Variants in MROH2A observed in about 807,000 individuals in gnomAD.
MROH2A encodes maestro heat like repeat family member 2A.
In MROH2A, 174 loss-of-function variants were observed where a neutral mutation model predicts 200.4. The observed-to-expected ratio is 0.87, with a 90% CI of 0.77 to 0.98. MROH2A has a LOEUF of 0.98. Among genes scored for constraint, MROH2A ranks in the 50% least tolerant of loss-of-function variants. The probability of loss-of-function intolerance (pLI) is 0.00; values close to 1 mark genes in which losing one functional copy is unlikely to be tolerated. For missense variants in MROH2A, 2,045 were observed against 2,139.6 expected, an observed-to-expected ratio of 0.96 and a Z score of 0.87; for synonymous variants, 829 against 840.4, an observed-to-expected ratio of 0.99 and a Z score of 0.23.
chr2:233,816,701 G>T (rs1419008612), intron 26 of MROH2A, 80 bp from the exon 27 acceptor site: 1 of 857,238 alleles, frequency 1.2e-6, no homozygotes, highest in African/African-American at 1.7e-5. Context: ...GTAGGAGGGT[G>T]AGGTGGGCAA....
intron 5 of MROH2A, among the ~76,000 whole-genome samples, chr2:233,791,751 A>G (rs966139286): frequency 3.9e-5 from 6 of 152,112 alleles, no homozygotes; most frequent in African/African-American, 1.4e-4. Context: ...GGCCCCCGTG[A>G]TGCCCATCCT....
chr2:233,799,538 T>C (rs1002574664), intron 12 of MROH2A, among the ~76,000 whole-genome samples: 1 of 151,758 alleles, frequency 6.6e-6, no homozygotes, highest in Non-Finnish European at 1.5e-5. Context: ...GCAGCCGAGG[T>C]TGGAAGGGAG....
In MROH2A at chr2:233,792,315, CT is replaced by C. The variant is rs550589309; in HGVS notation, c.572-466del. On this transcript the variant is annotated intron_variant, in intron 5 of 41. Coordinates refer to ENST00000389758, the MANE Select transcript of MROH2A (RefSeq NM_001394639.1). Reference sequence around the variant, plus strand: ...TCCTGTGTCACCTGCTTCTAGCTCACTTTTTTTTTTTTTTTGAGATGGAGTC... The same window carrying C: ...TCCTGTGTCACCTGCTTCTAGCTCACTTTTTTTTTTTTTTGAGATGGAGTC... 3.9e-3 allele frequency among the ~76,000 whole-genome samples: 556 copies of C among 141,110 alleles called. 2 individuals carry two copies. Among genetic ancestry groups the C allele is most frequent in the African/African-American group, 0.01 (383 of 37,800 alleles). The allele number at this position is 141,110 out of a possible 152,430, so 92.6% of individuals were successfully genotyped here. A position where few individuals can be genotyped will look rare whatever the true frequency, so the allele number is the denominator to read the frequency against.
In MROH2A at chr2:233,833,175, C is replaced by T; in HGVS notation, c.4941C>T (p.Val1647=). 3.2e-6 allele frequency: 5 copies of T among 1,550,026 alleles called. No individual in the cohort carries two copies. Among genetic ancestry groups the T allele is most frequent in the Non-Finnish European group, 3.5e-6 (4 of 1,146,838 alleles). ...QELQLDPDPG[V]RRAALETLTV... is the part of the protein sequence containing the mutation. ...TACAGCTGGACCCGGATCCCGGGGT[C>T]AGGAGGGCAGCCCTGGAGACGCTCA... is the stretch of plus-strand genomic sequence containing the variant. The change falls in exon 42 of 42, where the codon GTC becomes GTT. Residue 1647 remains valine (V), a synonymous_variant. Transcript: ENST00000389758.
In MROH2A at chr2:233,829,708, G is replaced by A. The variant is rs1704583696; in HGVS notation, c.4535G>A (p.Gly1512Glu). ...ATGTCCAAGAAGCATTTCTTCAAAG[G>A]GGAGGTGAAGAAGGCCTGGATCCCC... ...VGMSKKHFFKGEVKKAWIPLM... is the reference protein window; with the variant it reads ...VGMSKKHFFKEEVKKAWIPLM... Residue 1512 changes from glycine to glutamate, a missense_variant, in exon 38 of 42, where the codon GGG (glycine) becomes GAG (glutamate). Physicochemically the swap from Gly to Glu is moderately conservative, Grantham distance 98 (BLOSUM62 -2). Around this residue, in one of 3 missense-constraint regions of MROH2A, gnomAD observed 1,201 missense variants for 1,311.3 expected, o/e 0.92. Transcript: ENST00000389758. The A allele has an allele frequency of 3.3e-6, 5 of 1,494,616 alleles. No homozygotes were observed. The highest frequency in any genetic ancestry group is 1.7e-4 in the Middle Eastern group (1 of 5,828). The allele number at this position is 1,494,616 out of a possible 1,614,324, so 92.6% of individuals were successfully genotyped here.
rs1702346393 is a variant in MROH2A, at chr2:233,799,879, A to C, written c.1429A>C (p.Thr477Pro). 9 of 1,550,352 alleles carry C rather than the reference A, an allele frequency of 5.8e-6. No individual in the cohort carries two copies. The highest frequency in any genetic ancestry group is 7.0e-6 in the Non-Finnish European group (8 of 1,146,980). ...CCTGAAGTACCTGTCTGTGCAGCTG[A>C]CCTTATCCACCTACAAACTGGTGAG... ...WGLKYLSVQL[T>P]LSTYKLTNRR... Residue 477 changes from threonine to proline, a missense_variant, in exon 13 of 42, where the codon ACC becomes CCC. Transcript: ENST00000389758.
intron 11 of MROH2A, among the ~76,000 whole-genome samples, chr2:233,797,866 A>G (rs1702217562): frequency 6.6e-6 from 1 of 152,194 alleles, no homozygotes; most frequent in Admixed American, 6.5e-5. Flanking sequence ...TAATTTGCTG[A>G]AGATGATGGT....
rs562177592 is a variant in MROH2A at position 233,793,495 on chromosome 2, C to T, written c.671-178C>T. 1.1e-4 allele frequency among the ~76,000 whole-genome samples: 17 copies of T among 152,282 alleles called. No homozygotes were observed. In the South Asian group the frequency reaches 3.5e-3, roughly 32 times the overall value. On this transcript the variant is annotated intron_variant, in intron 6 of 41. Coordinates refer to ENST00000389758, the MANE Select transcript of MROH2A (RefSeq NM_001394639.1). ...CAGACACCCCCGAGTGCTCAGTTCTCACACACACAGGCACGCAGAGTAAAA... is the reference window on the plus strand; with the variant it reads ...CAGACACCCCCGAGTGCTCAGTTCTTACACACACAGGCACGCAGAGTAAAA...
chr2:233,784,631 A>G (rs553929264), intron 3 of MROH2A, among the ~76,000 whole-genome samples: 1 of 152,212 alleles, frequency 6.6e-6, no homozygotes, highest in South Asian at 2.1e-4. Flanking sequence ...CTGGCTGTTT[A>G]AAGGAGCCTG....
intron 1 of MROH2A, 21 bp downstream of exon 1, chr2:233,778,502 G>A (rs1700779192): frequency 5.9e-6 from 1 of 169,262 alleles, no homozygotes; most frequent in African/African-American, 2.4e-5. Flanking sequence ...AGGTCCCAGA[G>A]TAGCTCTTTA....
At chr2:233,794,536 C>A (rs2126112322) in intron 8 of MROH2A, 30 bp downstream of exon 8, 1 of 1,267,604 alleles carries the variant, frequency 7.9e-7, no homozygotes, top group Non-Finnish European at 1.1e-6. Context: ...CGGCTCTGGG[C>A]AGGAGGCTTA....
At chr2:233,783,742 G>A (rs937464724) in intron 3 of MROH2A, among the ~76,000 whole-genome samples, 2 of 152,028 alleles carry the variant, frequency 1.3e-5, no homozygotes, top group African/African-American at 4.8e-5. Context: ...GACGGGCCAT[G>A]TTGGCCAGGC....
intron 7 of MROH2A, 139 bp from the exon 8 acceptor site, chr2:233,794,224 G>C: frequency 1.5e-6 from 1 of 661,258 alleles, no homozygotes; most frequent in South Asian, 1.9e-5. Flanking sequence ...AAACCCGGCC[G>C]CCTGTGCAGG....
At chr2:233,803,420 C>T in intron 15 of MROH2A, 28 bp from the exon 16 acceptor site, 1 of 1,550,402 alleles carries the variant, frequency 6.4e-7, no homozygotes, top group African/African-American at 1.4e-5. Flanking sequence ...CAGGAAGGCT[C>T]AGCTGGGGTT....
At position 233,820,835 on chromosome 2, in the gene MROH2A, G is replaced by A. The variant is rs1011117372; in HGVS notation, c.3512+779G>A. Among the ~76,000 whole-genome samples the A allele has an allele frequency of 3.3e-5, 5 of 152,190 alleles. No homozygotes were observed. The highest frequency in any genetic ancestry group is 1.3e-4 in the Admixed American group (2 of 15,290). On this transcript the variant is annotated intron_variant, in intron 31 of 41. Transcript: ENST00000389758. This position sits in a 1 kb window ranked among gnomAD's most constrained non-coding sequence, Gnocchi z 4.1. ...CAGAGCCACAAGGGCTGACCTGCCC[G>A]AAATGCAGGCATGACTCCCCTGTGG...
At chr2:233,786,836 T>C (rs1701231996) in intron 3 of MROH2A, among the ~76,000 whole-genome samples, 1 of 152,166 alleles carries the variant, frequency 6.6e-6, no homozygotes, top group Non-Finnish European at 1.5e-5. Context: ...TTTTATTTTC[T>C]CCTTAACTAG....
intron 3 of MROH2A, among the ~76,000 whole-genome samples, chr2:233,785,532 G>A (rs916059491): frequency 6.6e-6 from 1 of 151,574 alleles, no homozygotes; most frequent in Admixed American, 6.6e-5. Flanking sequence ...GGCCAACCAT[G>A]CCATGCAGGG....
intron 21 of MROH2A, among the ~76,000 whole-genome samples, chr2:233,808,565 G>A (rs1179429593): frequency 1.3e-5 from 2 of 152,222 alleles, no homozygotes; most frequent in African/African-American, 4.8e-5. Flanking sequence ...CTTTCTTCCA[G>A]CTTTTCTGCA....
chr2:233,826,426 C>T (rs116728347), intron 35 of MROH2A, among the ~76,000 whole-genome samples: 4,351 of 152,280 alleles, frequency 0.029, 200 homozygotes, highest in African/African-American at 0.098. Flanking sequence ...GGCACATCTA[C>T]AGGCAACTGA....
Sources: allele counts gnomAD v4.1 joint callset (sites outside exome capture counted in the v4.1 genomes callset), GRCh38; gene constraint gnomAD v4.1.1; regional missense constraint gnomAD v4.1.1; non-coding constraint Gnocchi (gnomAD v3.1); transcripts MANE v1.5; gene names NCBI Gene and HGNC (gene_info 2026-07-23, HGNC 2026-07-21).